EXOC4: variants seen among roughly 807,000 people sequenced by gnomAD.
EXOC4 encodes the protein exocyst complex component 4, also known as SEC8-like 1.
EXOC4 carries 71 observed loss-of-function variants against 107.2 expected under a neutral mutation model. The ratio of observed to expected loss-of-function variants is 0.66; its 90% confidence interval spans 0.55 to 0.81. EXOC4 has a LOEUF of 0.81. Ranked by LOEUF, EXOC4 falls within the 30% of genes least tolerant of loss-of-function variation. The pLI, the probability that EXOC4 is intolerant of heterozygous loss-of-function variation, is 0.00. For missense variants in EXOC4, 1,108 were observed against 1,189.6 expected (o/e 0.93, Z 1.01); for synonymous variants, 456 against 441.2 (o/e 1.03, Z -0.42).
chr7:133,997,425 A>T, intron 14 of EXOC4, 67 bp from the exon 15 acceptor site: 1 of 1,578,810 alleles, frequency 6.3e-7, no homozygotes, highest in South Asian at 1.1e-5. Flanking sequence ...CAGCAAAATA[A>T]TATGTCATTT....
intron 10 of EXOC4, among the ~76,000 whole-genome samples, chr7:133,636,005 G>A (rs1018232219): frequency 6.6e-6 from 1 of 152,136 alleles, no homozygotes; most frequent in African/African-American, 2.4e-5. Context: ...TATTTCAACT[G>A]GAAAGGAGTT....
chr7:133,515,303 A>G (rs377130807), intron 9 of EXOC4, among the ~76,000 whole-genome samples: 1 of 151,566 alleles, frequency 6.6e-6, no homozygotes, highest in East Asian at 1.9e-4. Context: ...AACCATGGAG[A>G]TTACTCCAAT....
At chr7:133,578,471 T>G (rs2150965052) in intron 9 of EXOC4, among the ~76,000 whole-genome samples, 1 of 152,330 alleles carries the variant, frequency 6.6e-6, no homozygotes, top group Admixed American at 6.5e-5. Context: ...TTATATTTCT[T>G]ATCACTATGG....
At chr7:133,551,865 GGA>G (rs1240335476) in intron 9 of EXOC4, 2 of 152,088 alleles carry the variant, frequency 1.3e-5, no homozygotes, top group African/African-American at 4.8e-5. Flanking sequence ...ATTGATTAGA[GGA>G]GTGCATTAGT....
At chr7:133,481,834 A>C (rs757889277) in intron 9 of EXOC4, among the ~76,000 whole-genome samples, 2 of 152,174 alleles carry the variant, frequency 1.3e-5, no homozygotes, top group Non-Finnish European at 2.9e-5. Context: ...AAAGGACAGA[A>C]AGGAGTGAAG....
intron 9 of EXOC4, among the ~76,000 whole-genome samples, chr7:133,489,278 GT>G (rs71529800): frequency 6.6e-6 from 1 of 152,054 alleles, no homozygotes. Flanking sequence ...AAATACTGTT[GT>G]TTTATTCTTT....
At chr7:133,794,267 G>A (rs1052296856) in intron 10 of EXOC4, among the ~76,000 whole-genome samples, 2 of 152,010 alleles carry the variant, frequency 1.3e-5, no homozygotes, top group South Asian at 2.1e-4. Context: ...ATGTACATTC[G>A]GGAGACATCA....
At chr7:133,311,640 A>G (rs1794873912) in intron 4 of EXOC4, among the ~76,000 whole-genome samples, 1 of 152,176 alleles carries the variant, frequency 6.6e-6, no homozygotes, top group African/African-American at 2.4e-5. Context: ...AGACATAAAG[A>G]AATATATTAA....
At chr7:134,039,642 C>T (rs970242142) in intron 17 of EXOC4, among the ~76,000 whole-genome samples, 3 of 152,162 alleles carry the variant, frequency 2.0e-5, no homozygotes, top group Admixed American at 1.3e-4. Context: ...TATTGCTTTT[C>T]CTTGCTGCCC....
At chr7:133,382,016 C>T (rs1213947544) in intron 7 of EXOC4, among the ~76,000 whole-genome samples, 1 of 152,078 alleles carries the variant, frequency 6.6e-6, no homozygotes, top group African/African-American at 2.4e-5. Flanking sequence ...GTTTGAGGAC[C>T]TTTGCTGTAG....
intron 5 of EXOC4, among the ~76,000 whole-genome samples, chr7:133,340,314 A>G (rs185732960): frequency 6.6e-6 from 1 of 151,398 alleles, no homozygotes; most frequent in Non-Finnish European, 1.5e-5. Flanking sequence ...TATCACATTT[A>G]TTGTCTTTTG....
rs190570387 is a variant in EXOC4, at chr7:133,740,319, T to C, written c.1515-77006T>C. On this transcript the variant is annotated intron_variant, in intron 10 of 17. Coordinates refer to ENST00000253861, the MANE Select transcript of EXOC4 (RefSeq NM_021807.4). ...CTGTAGGACCATAAAATTCCCAATT[T>C]TTCACACATTTTATATATGAGTCTG... Among the ~76,000 whole-genome samples the C allele has an allele frequency of 1.2e-4, 18 of 152,294 alleles. 1 individual carries two copies. Among genetic ancestry groups the C allele is most frequent in the African/African-American group, 3.4e-4 (14 of 41,574 alleles).
chr7:133,949,995 CCTT>C (rs960039823), intron 14 of EXOC4, among the ~76,000 whole-genome samples: 6 of 152,004 alleles, frequency 3.9e-5, no homozygotes, highest in African/African-American at 9.7e-5. Flanking sequence ...TGGGGTCTTC[CCTT>C]CTTCTTTTTT....
the EXOC4 span, among the ~76,000 whole-genome samples, chr7:134,092,370 G>A: frequency 1.3e-5 from 2 of 152,030 alleles, no homozygotes; most frequent in Non-Finnish European, 2.9e-5. Flanking sequence ...GCCATCCACA[G>A]GAAAAGACAA....
intron 14 of EXOC4, among the ~76,000 whole-genome samples, chr7:133,964,320 GT>G (rs569590073): frequency 3.3e-5 from 5 of 149,554 alleles, no homozygotes; most frequent in East Asian, 2.0e-4. Context: ...TTTCTCTTGA[GT>G]TTTTTTTTTC....
intron 9 of EXOC4, chr7:133,551,566 A>G (rs1020198587): frequency 2.0e-5 from 3 of 152,168 alleles, no homozygotes; most frequent in Non-Finnish European, 4.4e-5. Flanking sequence ...TAAAATGTGA[A>G]TATTCTAGAG....
rs1563076051 is a variant in EXOC4, at chr7:133,971,394, AG to A, written c.2207-26097del. Among the ~76,000 whole-genome samples the A allele has an allele frequency of 2.2e-3, 312 of 141,296 alleles. 6 individuals carry two copies. The highest frequency in any genetic ancestry group is 2.9e-3 in the Admixed American group (39 of 13,564). 92.7% of individuals were successfully genotyped at this position (141,296 alleles called of 152,430 possible). ...GAGAGAGAGAGAGAGAGAGAGAGAG[AG>A]AGAGAGAAAGAGAGAGAGAATATGT... is the stretch of plus-strand genomic sequence containing the variant. On this transcript the variant is annotated intron_variant, in intron 14 of 17. Transcript: ENST00000253861.
intron 10 of EXOC4, among the ~76,000 whole-genome samples, chr7:133,815,241 C>T (rs535173096): frequency 9.0e-4 from 137 of 151,890 alleles, no homozygotes; most frequent in Admixed American, 1.0e-3. Flanking sequence ...ATTAGCTGGG[C>T]GTGGTGGTGC....
At chr7:133,902,142 C>T (rs1799465950) in intron 12 of EXOC4, among the ~76,000 whole-genome samples, 1 of 152,160 alleles carries the variant, frequency 6.6e-6, no homozygotes, top group Non-Finnish European at 1.5e-5. Context: ...ATTCCAAATT[C>T]ACCTCATTTC....
Sources: allele counts gnomAD v4.1 joint callset (sites outside exome capture counted in the v4.1 genomes callset), GRCh38; gene constraint gnomAD v4.1.1; transcripts MANE v1.5; gene names NCBI Gene and HGNC (gene_info 2026-07-23, HGNC 2026-07-21).